Variants in CNKSR2 observed in about 807,000 individuals in gnomAD.
CNKSR2 encodes CNK homolog protein 2.
A neutral mutation model predicts 84.4 loss-of-function variants in CNKSR2; 14 were observed. That is an observed-to-expected ratio of 0.17 (90% CI 0.11 to 0.26). CNKSR2 has a LOEUF of 0.26. Among genes scored for constraint, CNKSR2 ranks in the 10% least tolerant of loss-of-function variants. The probability of loss-of-function intolerance (pLI) is 1.00; values close to 1 mark genes in which losing one functional copy is unlikely to be tolerated. For missense variants in CNKSR2, 485 were observed against 771.2 expected (o/e 0.63, Z 4.40); for synonymous variants, 275 against 277.9 (o/e 0.99, Z 0.10).
chrX:21,501,488 GTTCT>G (rs767528348), intron 7 of CNKSR2, 28 bp from the exon 8 acceptor site: 2 of 972,243 alleles, frequency 2.1e-6, no homozygotes, highest in Non-Finnish European at 2.9e-6. Context: ...TAAAATTTAT[GTTCT>G]TTATCGTTTC....
intron 8 of CNKSR2, chrX:21,503,235 A>G: frequency 3.4e-6 from 1 of 294,714 alleles, no homozygotes; most frequent in Non-Finnish European, 5.9e-6. Context: ...ATGCATCTTT[A>G]CATCACAGGA....
intron 7 of CNKSR2, among the ~76,000 whole-genome samples, chrX:21,500,037 A>G (rs757690724): frequency 4.5e-5 from 5 of 111,158 alleles, no homozygotes; most frequent in East Asian, 5.6e-4. Flanking sequence ...ATGATTTACA[A>G]TCTTTTCAGA....
intron 8 of CNKSR2, among the ~76,000 whole-genome samples, chrX:21,515,511 G>A (rs1347490233): frequency 9.0e-6 from 1 of 110,725 alleles, no homozygotes; most frequent in Non-Finnish European, 1.9e-5. Flanking sequence ...AATCCATTAG[G>A]GTTTGGGATA....
intron 2 of CNKSR2, 99 bp from the exon 3 acceptor site, chrX:21,432,513 G>A: frequency 1.7e-6 from 1 of 587,971 alleles, no homozygotes; most frequent in Admixed American, 3.3e-5. Flanking sequence ...TAACTCGAAT[G>A]CTACCCCATT....
At chrX:21,484,341 AT>A (rs1292812981) in intron 5 of CNKSR2, among the ~76,000 whole-genome samples, 2 of 112,158 alleles carry the variant, frequency 1.8e-5, no homozygotes, top group African/African-American at 6.5e-5. Flanking sequence ...CCCATACTTT[AT>A]TCTTTAGACA....
chrX:21,410,032 C>CTG (rs60351010), intron 1 of CNKSR2, among the ~76,000 whole-genome samples: 10,558 of 97,556 alleles, frequency 0.11, 776 homozygotes, highest in East Asian at 0.28. Flanking sequence ...CTAATTGTGT[C>CTG]TGTGTGTGTG....
intron 1 of CNKSR2, among the ~76,000 whole-genome samples, chrX:21,406,909 C>T (rs2090271661): frequency 8.9e-6 from 1 of 112,175 alleles, no homozygotes; most frequent in African/African-American, 3.2e-5. Flanking sequence ...AATGTAAGTC[C>T]TGTTTTTTAA....
chrX:21,476,672 G>C (rs1460806702), intron 5 of CNKSR2, among the ~76,000 whole-genome samples: 1 of 111,162 alleles, frequency 9.0e-6, no homozygotes, highest in Non-Finnish European at 1.9e-5. Context: ...AATAAAAGGA[G>C]ACTGAACATC....
At chrX:21,650,514 G>A (rs760416234) in intron 21 of CNKSR2, among the ~76,000 whole-genome samples, 2 of 108,963 alleles carry the variant, frequency 1.8e-5, no homozygotes, top group South Asian at 4.1e-4. Flanking sequence ...ACCATGGCAC[G>A]TGTATACATA....
chrX:21,540,498 C>A (rs1051858677), intron 11 of CNKSR2, among the ~76,000 whole-genome samples: 1 of 111,185 alleles, frequency 9.0e-6, no homozygotes, highest in African/African-American at 3.3e-5. Flanking sequence ...ATAATGATAA[C>A]GAAAGTATGT....
At chrX:21,563,512 C>T (rs2092211195) in intron 13 of CNKSR2, 60 bp downstream of exon 13, 1 of 888,510 alleles carries the variant, frequency 1.1e-6, no homozygotes, top group East Asian at 3.2e-5. Context: ...GCAAGTGACT[C>T]TTTTGGGTAA....
chrX:21,382,805 C>T (rs1209910140), intron 1 of CNKSR2, among the ~76,000 whole-genome samples: 2 of 110,623 alleles, frequency 1.8e-5, no homozygotes, highest in East Asian at 5.6e-4. Context: ...AATTTTTCAC[C>T]GTTCCCTCTG....
intron 1 of CNKSR2, among the ~76,000 whole-genome samples, chrX:21,399,449 C>T (rs2090160522): frequency 9.0e-6 from 1 of 111,509 alleles, no homozygotes; most frequent in Non-Finnish European, 1.9e-5. Flanking sequence ...ACTTGAAACA[C>T]ATAGTTTACT....
intron 4 of CNKSR2, among the ~76,000 whole-genome samples, chrX:21,448,798 GA>G (rs777138065): frequency 1.8e-5 from 2 of 111,838 alleles, no homozygotes; most frequent in East Asian, 5.6e-4. Context: ...TTCTGCTGAA[GA>G]AGTAGTTTTT....
In CNKSR2 at chrX:21,602,290, C is replaced by T. The variant is rs2092487400; in HGVS notation, c.2044+941C>T. 3.6e-5 allele frequency among the ~76,000 whole-genome samples: 4 copies of T among 111,022 alleles called. No individual in the cohort carries two copies. The South Asian group carries it at 1.5e-3, about 43-fold the overall frequency. On this transcript the variant is annotated intron_variant, in intron 18 of 21. Transcript: ENST00000379510. ...TCCTGAGTAGCTGGGACCACAGGCA[C>T]ACACCACCACAACTGGCTAATTTTT...
intron 1 of CNKSR2, among the ~76,000 whole-genome samples, chrX:21,381,973 TC>T (rs2089905194): frequency 9.0e-6 from 1 of 111,202 alleles, no homozygotes; most frequent in South Asian, 3.8e-4. Flanking sequence ...GATATCCAAC[TC>T]CCCCACTAGA....
intron 13 of CNKSR2, among the ~76,000 whole-genome samples, chrX:21,566,986 C>T (rs1280524778): frequency 8.9e-6 from 1 of 111,973 alleles, no homozygotes; most frequent in Non-Finnish European, 1.9e-5. Flanking sequence ...AAATTATTCA[C>T]TGTGCTGTAG....
intron 5 of CNKSR2, among the ~76,000 whole-genome samples, chrX:21,471,862 C>G (rs919388108): frequency 9.0e-6 from 1 of 111,729 alleles, no homozygotes; most frequent in Admixed American, 9.5e-5. Flanking sequence ...TCACGTTGAT[C>G]TACCTGTAGG....
In CNKSR2 at chrX:21,402,190, A is replaced by C. The variant is rs767125840; in HGVS notation, c.65-24307A>C. 2.1e-3 allele frequency among the ~76,000 whole-genome samples: 229 copies of C among 111,460 alleles called. 1 individual carries two copies. Among genetic ancestry groups the C allele is most frequent in the African/African-American group, 7.1e-3 (219 of 30,825 alleles). On this transcript the variant is annotated intron_variant, in intron 1 of 21. Coordinates refer to ENST00000379510, the MANE Select transcript of CNKSR2 (RefSeq NM_014927.5). The stretch of plus-strand genomic sequence containing the variant: ...ACATGGTTGTGTAGGTTAGCAGTAC[A>C]TAACCTGCACAACTCTATATTGTGT...
Sources: allele counts gnomAD v4.1 joint callset (sites outside exome capture counted in the v4.1 genomes callset), GRCh38; gene constraint gnomAD v4.1.1; transcripts MANE v1.5; gene names NCBI Gene and HGNC (gene_info 2026-07-23, HGNC 2026-07-21).